The following IL1RAPL1 variants were observed in gnomAD, a reference collection of about 807,000 sequenced individuals.
IL1RAPL1 encodes the protein interleukin 1 receptor accessory protein like 1.
In IL1RAPL1, 3 loss-of-function variants were observed where a neutral mutation model predicts 48.4. The observed-to-expected ratio is 0.06, with a 90% CI of 0.03 to 0.16. The LOEUF (loss-of-function observed/expected upper bound fraction) is 0.16, where lower values mean the gene tolerates loss of function less well. Ranked by LOEUF, IL1RAPL1 falls within the 10% of genes least tolerant of loss-of-function variation. The pLI, the probability that IL1RAPL1 is intolerant of heterozygous loss-of-function variation, is 1.00. For synonymous variants in IL1RAPL1, 185 were observed against 187.7 expected (o/e 0.99, Z 0.12); for missense variants, 349 against 530.6 (o/e 0.66, Z 3.36).
At chrX:29,834,154 CT>C (rs993073846) in intron 6 of IL1RAPL1, among the ~76,000 whole-genome samples, 23 of 112,521 alleles carry the variant, frequency 2.0e-4, no homozygotes, top group African/African-American at 7.1e-4. Context: ...ATTAAGTGTA[CT>C]GAAAGCAAAA....
chrX:29,064,922 TTTAC>T (rs1185627168), intron 2 of IL1RAPL1, among the ~76,000 whole-genome samples: 2 of 111,910 alleles, frequency 1.8e-5, no homozygotes, highest in Admixed American at 1.9e-4. Context: ...TAGTAATATT[TTTAC>T]TTACTCTTTC....
chrX:29,484,016 A>C (rs973528952), intron 5 of IL1RAPL1, among the ~76,000 whole-genome samples: 1 of 109,501 alleles, frequency 9.1e-6, no homozygotes, highest in Non-Finnish European at 1.9e-5. Context: ...AAAAAAAAAA[A>C]AAAAAAAAAC....
intron 5 of IL1RAPL1, among the ~76,000 whole-genome samples, chrX:29,444,438 AG>A (rs1247731906): frequency 9.1e-6 from 1 of 109,296 alleles, no homozygotes; most frequent in Non-Finnish European, 1.9e-5. Flanking sequence ...ATTCTAGGCC[AG>A]GTATGGTGGC....
chrX:29,080,826 T>A (rs1196390883), intron 2 of IL1RAPL1, among the ~76,000 whole-genome samples: 1 of 106,092 alleles, frequency 9.4e-6, no homozygotes, highest in Non-Finnish European at 1.9e-5. Context: ...CGCTGCAACC[T>A]CCCACTCCTG....
chrX:29,886,013 G>C (rs1174171191), intron 6 of IL1RAPL1, among the ~76,000 whole-genome samples: 1 of 111,692 alleles, frequency 9.0e-6, no homozygotes, highest in Non-Finnish European at 1.9e-5. Flanking sequence ...AAGAAGGATG[G>C]TGGCTTCCTA....
At chrX:29,197,047 A>G (rs926900843) in intron 2 of IL1RAPL1, among the ~76,000 whole-genome samples, 39 of 110,570 alleles carry the variant, frequency 3.5e-4, no homozygotes, top group African/African-American at 1.2e-3. Context: ...AGAGCCACAT[A>G]CTTTCCTTAT....
chrX:28,890,883 T>C lies in IL1RAPL1; in HGVS notation c.82+101458T>C, dbSNP rs751058953. Among the ~76,000 whole-genome samples, 9 of 112,252 alleles carry C rather than the reference T, an allele frequency of 8.0e-5. No individual in the cohort carries two copies. The South Asian group carries it at 3.3e-3, about 41-fold the overall frequency. ...ATATTTCACTTTGTAGTTAATAATGTATGAAGACAGATGAAGGTGTTTGTG... is the reference window on the plus strand; with the variant it reads ...ATATTTCACTTTGTAGTTAATAATGCATGAAGACAGATGAAGGTGTTTGTG... On this transcript the variant is annotated intron_variant, in intron 2 of 10. Transcript: ENST00000378993.
At chrX:28,821,688 C>T (rs1484587533) in intron 2 of IL1RAPL1, among the ~76,000 whole-genome samples, 1 of 111,036 alleles carries the variant, frequency 9.0e-6, no homozygotes, top group Non-Finnish European at 1.9e-5. Context: ...CCCTGGCTTT[C>T]TTCAGCCCTA....
chrX:29,369,939 C>T (rs1016904409), intron 3 of IL1RAPL1: 3 of 111,574 alleles, frequency 2.7e-5, no homozygotes, highest in African/African-American at 9.8e-5. Context: ...TAGCTCATGT[C>T]GTATATGTTG....
rs766059626 is a variant in IL1RAPL1 at position 29,764,239 on chromosome X, C to T, written c.778+95735C>T. Among the ~76,000 whole-genome samples, 10 of 111,659 alleles carry T rather than the reference C, an allele frequency of 9.0e-5. 1 individual carries two copies. The South Asian group carries it at 3.0e-3, about 33-fold the overall frequency. ...TATGATACTCCAGAGGCACAAGACG[C>T]CAAGGCTTACTGTCTTCCAGCATTG... On this transcript the variant is annotated intron_variant, in intron 6 of 10. Transcript: ENST00000378993.
chrX:28,915,845 T>A (rs1923476812), intron 2 of IL1RAPL1, among the ~76,000 whole-genome samples: 1 of 111,035 alleles, frequency 9.0e-6, no homozygotes, highest in African/African-American at 3.3e-5. Flanking sequence ...GCCAACATAT[T>A]CATTTTTTTT....
At chrX:29,124,039 A>T (rs923551012) in intron 2 of IL1RAPL1, among the ~76,000 whole-genome samples, 3 of 111,644 alleles carry the variant, frequency 2.7e-5, no homozygotes, top group African/African-American at 9.8e-5. Flanking sequence ...TGTGATGGAC[A>T]CTGTTGTTCT....
At chrX:29,681,781 C>G (rs1288406903) in intron 6 of IL1RAPL1, among the ~76,000 whole-genome samples, 5 of 111,297 alleles carry the variant, frequency 4.5e-5, no homozygotes. Context: ...TCATCAGAGT[C>G]GAGAGTTGGG....
intron 2 of IL1RAPL1, among the ~76,000 whole-genome samples, chrX:28,823,546 A>G (rs1936960293): frequency 9.0e-6 from 1 of 111,651 alleles, no homozygotes; most frequent in African/African-American, 3.3e-5. Flanking sequence ...CATTATGGCT[A>G]AGTGACTTAA....
At chrX:29,130,036 G>T (rs918245187) in intron 2 of IL1RAPL1, among the ~76,000 whole-genome samples, 4 of 111,569 alleles carry the variant, frequency 3.6e-5, no homozygotes, top group African/African-American at 1.3e-4. Flanking sequence ...ATTTTTGGCT[G>T]TAAAGTGAAT....
At chrX:29,494,197 G>A (rs990313909) in intron 5 of IL1RAPL1, among the ~76,000 whole-genome samples, 9 of 111,613 alleles carry the variant, frequency 8.1e-5, no homozygotes, top group African/African-American at 2.6e-4. Context: ...CACCGCGTCC[G>A]GCTGCTTAGT....
chrX:29,434,141 A>G (rs1934454279), intron 5 of IL1RAPL1, among the ~76,000 whole-genome samples: 1 of 110,266 alleles, frequency 9.1e-6, no homozygotes, highest in African/African-American at 3.3e-5. Flanking sequence ...TATTTATCAT[A>G]AATAATTCTC....
chrX:28,992,152 C>T (rs993777852), intron 2 of IL1RAPL1, among the ~76,000 whole-genome samples: 8 of 111,718 alleles, frequency 7.2e-5, no homozygotes, highest in Admixed American at 2.9e-4. Flanking sequence ...ATAATTTCCC[C>T]GTTATTCTAG....
At chrX:29,295,728 C>T (rs971398210) in intron 3 of IL1RAPL1, among the ~76,000 whole-genome samples, 2 of 111,489 alleles carry the variant, frequency 1.8e-5, no homozygotes, top group Non-Finnish European at 1.9e-5. Context: ...GGTCTTCATC[C>T]TTATTTTCCC....
Sources: gnomAD v4.1 joint callset for allele counts (sites outside exome capture counted in the v4.1 genomes callset) on GRCh38, gnomAD v4.1.1 for gene constraint, MANE v1.5 for transcripts, NCBI Gene and HGNC (gene_info 2026-07-23, HGNC 2026-07-21) for gene names.